GABBR2: variants seen among roughly 807,000 people sequenced by gnomAD.
GABBR2 encodes the protein gamma-aminobutyric acid type B receptor subunit 2, also known as G-protein coupled receptor 51.
In GABBR2, 23 loss-of-function variants were observed where a neutral mutation model predicts 105.6. The ratio of observed to expected loss-of-function variants is 0.22; its 90% confidence interval spans 0.16 to 0.31. The LOEUF is 0.31. Ranked by LOEUF, GABBR2 falls within the 10% of genes least tolerant of loss-of-function variation. The probability of loss-of-function intolerance (pLI) is 1.00; values close to 1 mark genes in which losing one functional copy is unlikely to be tolerated. For synonymous variants in GABBR2, 478 were observed against 499.7 expected (o/e 0.96, Z 0.58); for missense variants, 734 against 1,245.5 (o/e 0.59, Z 6.18).
intron 1 of GABBR2, among the ~76,000 whole-genome samples, chr9:98,637,122 A>C (rs761406266): frequency 3.3e-5 from 5 of 152,130 alleles, no homozygotes; most frequent in South Asian, 2.1e-4. Context: ...CGAACTGAAA[A>C]CTTCCTCCTG....
intron 1 of GABBR2, among the ~76,000 whole-genome samples, chr9:98,652,622 G>A (rs1451096037): frequency 6.6e-6 from 1 of 152,204 alleles, no homozygotes; most frequent in Non-Finnish European, 1.5e-5. Context: ...CCTTCAAAGT[G>A]AGGCTAGAGC....
chr9:98,422,608 G>A (rs1474699255), intron 7 of GABBR2, among the ~76,000 whole-genome samples: 1 of 151,670 alleles, frequency 6.6e-6, no homozygotes, highest in Non-Finnish European at 1.5e-5. Flanking sequence ...GATATTAAAA[G>A]CACACTGCTT....
rs77933711 is a variant in GABBR2 at position 98,471,600 on chromosome 9, C to T, written c.999+1546G>A. ...CTTAGAACTATATCCGAGGGAGGTC[C>T]TTCCTGTAGTGTCTCATGGCTCTCA... is the stretch of plus-strand genomic sequence containing the variant. On this transcript the variant is annotated intron_variant, in intron 6 of 18. Transcript: ENST00000259455. Among the ~76,000 whole-genome samples, 209 of 152,334 alleles carry T rather than the reference C, an allele frequency of 1.4e-3. 1 individual carries two copies. The highest frequency in any genetic ancestry group is 0.013 in the East Asian group (68 of 5,178).
At chr9:98,469,272 A>G (rs1029287200) in intron 6 of GABBR2, among the ~76,000 whole-genome samples, 1 of 152,152 alleles carries the variant, frequency 6.6e-6, no homozygotes, top group Non-Finnish European at 1.5e-5. Flanking sequence ...GGCAGAAGGA[A>G]AGAGAGAGAG....
At position 98,414,500 on chromosome 9, in the gene GABBR2, T is replaced by C. The variant is rs561463041; in HGVS notation, c.1237-8359A>G. 9.2e-5 allele frequency among the ~76,000 whole-genome samples: 14 copies of C among 152,348 alleles called. No individual in the cohort carries two copies. The South Asian group carries it at 2.5e-3, about 27-fold the overall frequency. On this transcript the variant is annotated intron_variant, in intron 7 of 18. Transcript: ENST00000259455. ...ACCAGCTATGCCAAGGATGCTGAGC[T>C]TCATTTTGAATGCAAGAGGAGCAAC...
At chr9:98,646,329 C>T (rs1830028643) in intron 1 of GABBR2, among the ~76,000 whole-genome samples, 2 of 152,180 alleles carry the variant, frequency 1.3e-5, no homozygotes, top group Admixed American at 6.5e-5. Context: ...CACTGAGACT[C>T]TAATGAGCTT....
At chr9:98,600,272 CCTT>C (rs1185641875) in intron 1 of GABBR2, among the ~76,000 whole-genome samples, 1 of 152,172 alleles carries the variant, frequency 6.6e-6, no homozygotes, top group Non-Finnish European at 1.5e-5. Context: ...AACAGCTCCT[CCTT>C]CTCTGCTGGG....
chr9:98,453,053 T>C (rs1054845372), intron 7 of GABBR2, among the ~76,000 whole-genome samples: 4 of 151,908 alleles, frequency 2.6e-5, no homozygotes, highest in African/African-American at 9.7e-5. Flanking sequence ...TGAGATGGAG[T>C]TTTGCTCTTG....
chr9:98,638,235 C>T (rs1485878208), intron 1 of GABBR2, among the ~76,000 whole-genome samples: 1 of 152,128 alleles, frequency 6.6e-6, no homozygotes, highest in Non-Finnish European at 1.5e-5. Context: ...ATACAGTTAC[C>T]CCAAGGTTGT....
chr9:98,488,937 A>G (rs1248203426), intron 4 of GABBR2, among the ~76,000 whole-genome samples: 3 of 152,152 alleles, frequency 2.0e-5, no homozygotes, highest in African/African-American at 7.2e-5. Context: ...CAGTTTCTCT[A>G]CCTATAAAAT....
chr9:98,300,519 G>A (rs558487658), intron 16 of GABBR2, among the ~76,000 whole-genome samples: 85 of 152,336 alleles, frequency 5.6e-4, no homozygotes, highest in Admixed American at 9.8e-4. Context: ...GGCAATATGA[G>A]TGTTGGTAGT....
chr9:98,578,224 G>A (rs573828277), intron 1 of GABBR2, 152 bp from the exon 2 acceptor site: 5 of 773,062 alleles, frequency 6.5e-6, no homozygotes, highest in Admixed American at 2.7e-5. Flanking sequence ...CTGAGTCCAC[G>A]CTGTAAGCTC....
chr9:98,636,585 C>G (rs1829880299), intron 1 of GABBR2, among the ~76,000 whole-genome samples: 1 of 141,130 alleles, frequency 7.1e-6, no homozygotes, highest in Non-Finnish European at 1.5e-5. Flanking sequence ...CCCCCACCTC[C>G]TGGGTTCAAG....
At chr9:98,643,665 C>T (rs1829996377) in intron 1 of GABBR2, among the ~76,000 whole-genome samples, 1 of 152,240 alleles carries the variant, frequency 6.6e-6, no homozygotes, top group Non-Finnish European at 1.5e-5. Context: ...TGGGGAACTG[C>T]CCTTCTTCCA....
chr9:98,674,256 A>C (rs1347783986), intron 1 of GABBR2, among the ~76,000 whole-genome samples: 3 of 152,164 alleles, frequency 2.0e-5, no homozygotes, highest in African/African-American at 4.8e-5. Flanking sequence ...TTGTTCTTAC[A>C]AGTGACTTCA....
At chr9:98,367,298 TAAA>T (rs368200743) in intron 12 of GABBR2, among the ~76,000 whole-genome samples, 6 of 110,200 alleles carry the variant, frequency 5.4e-5, no homozygotes, top group Admixed American at 2.0e-4. Flanking sequence ...TATATGTCAG[TAAA>T]AAAAAAAAAA....
intron 1 of GABBR2, among the ~76,000 whole-genome samples, chr9:98,688,681 AC>A (rs1209619548): frequency 1.3e-5 from 2 of 152,108 alleles, no homozygotes; most frequent in Non-Finnish European, 2.9e-5. Flanking sequence ...ACCCAGGGTG[AC>A]CCCAGTGATC....
At chr9:98,329,426 C>A (rs1830983501) in intron 13 of GABBR2, among the ~76,000 whole-genome samples, 1 of 152,228 alleles carries the variant, frequency 6.6e-6, no homozygotes, top group Non-Finnish European at 1.5e-5. Context: ...GCAAAACCAG[C>A]CCTGCCTGGG....
At chr9:98,333,058 C>T (rs1030243271) in intron 13 of GABBR2, among the ~76,000 whole-genome samples, 2 of 152,220 alleles carry the variant, frequency 1.3e-5, no homozygotes, top group Non-Finnish European at 2.9e-5. Flanking sequence ...CCAGTGGCAA[C>T]GAGTCAGACA....
Sources: allele counts gnomAD v4.1 joint callset (sites outside exome capture counted in the v4.1 genomes callset), GRCh38; gene constraint gnomAD v4.1.1; transcripts MANE v1.5; gene names NCBI Gene and HGNC (gene_info 2026-07-23, HGNC 2026-07-21).